Variants in MOSPD1 observed in about 807,000 individuals in gnomAD.
MOSPD1 encodes the protein motile sperm domain containing 1, also known as motile sperm domain-containing protein 1.
A neutral mutation model predicts 16.7 loss-of-function variants in MOSPD1; 5 were observed. That is an observed-to-expected ratio of 0.30 (90% CI 0.16 to 0.63). The LOEUF is 0.63. Ranked by LOEUF, MOSPD1 falls within the 30% of genes least tolerant of loss-of-function variation. The pLI is 0.82. For missense variants in MOSPD1, 104 were observed against 153.6 expected, an observed-to-expected ratio of 0.68 and a Z score of 1.71; for synonymous variants, 67 against 59.2, an observed-to-expected ratio of 1.13 and a Z score of -0.61.
chrX:134,899,425 T>C lies in MOSPD1; in HGVS notation c.9A>G (p.Gln3=). The C allele has an allele frequency of 8.5e-7, 1 of 1,176,864 alleles. No homozygotes were observed. The highest frequency in any genetic ancestry group is 1.1e-6 in the Non-Finnish European group (1 of 883,246). Residue 3 remains glutamine, a synonymous_variant, in exon 2 of 6, where the codon CAA becomes CAG. Transcript: ENST00000370783. MH[Q]QKRQPELVEG... Reference sequence around the variant, plus strand: ...CCACTAACTCTGGTTGTCTTTTTTGTTGATGCATTGGCACTGAATCCCCCT... The same window carrying C: ...CCACTAACTCTGGTTGTCTTTTTTGCTGATGCATTGGCACTGAATCCCCCT...
At chrX:134,896,094 A>G (rs1225546391) in intron 4 of MOSPD1, among the ~76,000 whole-genome samples, 2 of 111,782 alleles carry the variant, frequency 1.8e-5, no homozygotes, top group African/African-American at 3.2e-5. Flanking sequence ...AAAAGTTTCC[A>G]GTTTCCCTGG....
At chrX:134,891,172 G>A (rs1429272846) in intron 5 of MOSPD1, among the ~76,000 whole-genome samples, 1 of 111,235 alleles carries the variant, frequency 9.0e-6, no homozygotes. Context: ...TGTTTCCCTA[G>A]GAGCAATTCC....
At chrX:134,909,553 T>G (rs2082960429) in intron 1 of MOSPD1, among the ~76,000 whole-genome samples, 1 of 111,833 alleles carries the variant, frequency 8.9e-6, no homozygotes, top group Non-Finnish European at 1.9e-5. Flanking sequence ...ACCAACTAAA[T>G]ACTAAATTGT....
chrX:134,908,089 A>T (rs2082952226), intron 1 of MOSPD1, among the ~76,000 whole-genome samples: 1 of 112,401 alleles, frequency 8.9e-6, no homozygotes, highest in South Asian at 3.7e-4. Context: ...GAATATTTTG[A>T]CATTTGTTTT....
chrX:134,891,728 T>C lies in MOSPD1; in HGVS notation c.449-88A>G, dbSNP rs904906575. ...AAACACTGGCCACCACAGACCAGTA[T>C]TCTGATTTTGTCTAACTTCTCCAAT... On this transcript the variant is annotated intron_variant, in intron 4 of 5. Coordinates refer to ENST00000370783, the MANE Select transcript of MOSPD1 (RefSeq NM_019556.3). The C allele has an allele frequency of 8.7e-6, 8 of 924,596 alleles. No homozygotes were observed. The African/African-American group carries it at 1.6e-4, about 19-fold the overall frequency. The allele number at this position is 924,596 out of a possible 1,213,427, so 76.2% of individuals were successfully genotyped here.
rs145218626 is a variant in MOSPD1, at chrX:134,897,829, C to A, written c.231-795G>T. Among the ~76,000 whole-genome samples the A allele has an allele frequency of 3.7e-3, 411 of 111,471 alleles. 2 individuals are homozygous for A. Among genetic ancestry groups the A allele is most frequent in the Non-Finnish European group, 6.1e-3 (324 of 53,092 alleles). The stretch of plus-strand genomic sequence containing the variant: ...AGTGCAACAGAAGGCCAATAATACA[C>A]CTCTACTTCTCTAAAGAGAAAAGAG... On this transcript the variant is annotated intron_variant, in intron 3 of 5. Transcript: ENST00000370783.
At chrX:134,890,905 A>G (rs981771150) in intron 5 of MOSPD1, among the ~76,000 whole-genome samples, 2 of 112,038 alleles carry the variant, frequency 1.8e-5, no homozygotes, top group East Asian at 2.8e-4. Flanking sequence ...GAGGAAAGTC[A>G]TTCATCACCA....
chrX:134,912,723 A>G (rs2148401500), intron 1 of MOSPD1, among the ~76,000 whole-genome samples: 1 of 103,458 alleles, frequency 9.7e-6, no homozygotes, highest in South Asian at 4.4e-4. Flanking sequence ...GTAGATCACG[A>G]GGTCAGGAGA....
Position 134,899,424 on chromosome X carries a change from G to T in MOSPD1, c.10C>A (p.Gln4Lys), listed in dbSNP as rs2082901681. Residue 4 changes from glutamine to lysine, a missense_variant, in exon 2 of 6, where the codon CAA (glutamine) becomes AAA (lysine). Transcript: ENST00000370783. The stretch of plus-strand genomic sequence containing the variant: ...TCCACTAACTCTGGTTGTCTTTTTT[G>T]TTGATGCATTGGCACTGAATCCCCC... MHQQKRQPELVEGN... is the reference protein window; with the variant it reads MHQKKRQPELVEGN... The T allele has an allele frequency of 8.5e-7, 1 of 1,176,343 alleles. No homozygotes were observed. Among genetic ancestry groups the T allele is most frequent in the Non-Finnish European group, 1.1e-6 (1 of 883,048 alleles).
chrX:134,889,030 TTA>T lies in MOSPD1; in HGVS notation c.*129_*130del. On this transcript the variant is annotated 3_prime_UTR_variant, in exon 6 of 6. Transcript: ENST00000370783. ...ATTAAATTATAATTTAAAATATATA[TTA>T]TACATTTGCAATTATTTGAAATCAT... 2.9e-6 allele frequency: 1 copy of T among 343,676 alleles called. No homozygotes were observed. Among genetic ancestry groups the T allele is most frequent in the Non-Finnish European group, 5.0e-6 (1 of 201,104 alleles). 28.3% of individuals were successfully genotyped at this position (343,676 alleles called of 1,213,427 possible).
At chrX:134,897,347 G>C (rs903868560) in intron 3 of MOSPD1, among the ~76,000 whole-genome samples, 1 of 108,771 alleles carries the variant, frequency 9.2e-6, no homozygotes, top group Non-Finnish European at 1.9e-5. Context: ...GGGAGGTTGG[G>C]GCCTGGAGTT....
In MOSPD1 at chrX:134,909,127, C is replaced by T. The variant is rs1286616512; in HGVS notation, c.-102+6055G>A. 2.7e-5 allele frequency among the ~76,000 whole-genome samples: 3 copies of T among 110,099 alleles called. No individual in the cohort carries two copies. The East Asian group carries it at 8.6e-4, about 31-fold the overall frequency. The stretch of plus-strand genomic sequence containing the variant: ...CTAAAAATACAAAAAAAAAATTAGC[C>T]GGGAGTAGTGGCGGGTGCCTGTAGT... On this transcript the variant is annotated intron_variant, in intron 1 of 5. Coordinates refer to ENST00000370783, the MANE Select transcript of MOSPD1 (RefSeq NM_019556.3).
At chrX:134,905,116 T>C (rs181268020) in intron 1 of MOSPD1, among the ~76,000 whole-genome samples, 4 of 109,810 alleles carry the variant, frequency 3.6e-5, no homozygotes, top group African/African-American at 1.3e-4. Flanking sequence ...TCCCAGCACT[T>C]TGGGAGGTCG....
Position 134,895,757 on chromosome X carries a change from T to C in MOSPD1, c.448+1060A>G, listed in dbSNP as rs1290649800. Among the ~76,000 whole-genome samples, 3 of 111,198 alleles carry C rather than the reference T, an allele frequency of 2.7e-5. No homozygotes were observed. In the Admixed American group the frequency reaches 2.9e-4, roughly 11 times the overall value. On this transcript the variant is annotated intron_variant, in intron 4 of 5. Coordinates refer to ENST00000370783, the MANE Select transcript of MOSPD1 (RefSeq NM_019556.3). ...AGTTGCTGAGAATAAAACAATCCAC[T>C]ATAGGTTGGTGCAAAAGTAATTGCG...
intron 4 of MOSPD1, among the ~76,000 whole-genome samples, chrX:134,895,083 G>A (rs954581758): frequency 1.8e-5 from 2 of 111,634 alleles, no homozygotes; most frequent in African/African-American, 6.5e-5. Context: ...AAGGCCAGGT[G>A]CGGGAGCTCA....
At chrX:134,893,485 G>C (rs769621551) in intron 4 of MOSPD1, among the ~76,000 whole-genome samples, 5 of 111,773 alleles carry the variant, frequency 4.5e-5, no homozygotes, top group Non-Finnish European at 9.4e-5. Context: ...TTTCAAAATG[G>C]AAAAAGCTTT....
intron 1 of MOSPD1, among the ~76,000 whole-genome samples, chrX:134,909,143 T>C (rs760583036): frequency 8.0e-5 from 8 of 100,488 alleles, no homozygotes; most frequent in African/African-American, 1.8e-4. Context: ...TAGTGGCGGG[T>C]GCCTGTAGTC....
At chrX:134,913,409 T>G in intron 1 of MOSPD1, among the ~76,000 whole-genome samples, 1 of 111,635 alleles carries the variant, frequency 9.0e-6, no homozygotes, top group Non-Finnish European at 1.9e-5. Flanking sequence ...ATGTAAAATG[T>G]CTATATATTC....
intron 3 of MOSPD1, 66 bp downstream of exon 3, chrX:134,899,024 T>C (rs1376995402): frequency 1.1e-6 from 1 of 898,816 alleles, no homozygotes; most frequent in Non-Finnish European, 1.6e-6. Context: ...TATCTTTTTT[T>C]TTCAAGTTAA....
Sources: gnomAD v4.1 joint callset for allele counts (sites outside exome capture counted in the v4.1 genomes callset) on GRCh38, gnomAD v4.1.1 for gene constraint, MANE v1.5 for transcripts, NCBI Gene and HGNC (gene_info 2026-07-23, HGNC 2026-07-21) for gene names.